Variants in DLG2 observed in about 807,000 individuals in gnomAD.
The protein encoded by DLG2 is discs large MAGUK scaffold protein 2.
A neutral mutation model predicts 132.5 loss-of-function variants in DLG2; 45 were observed. The observed-to-expected ratio is 0.34, with a 90% CI of 0.27 to 0.44. DLG2 has a LOEUF of 0.44. DLG2 is among the 20% of genes least tolerant of loss of function. The pLI, the probability that DLG2 is intolerant of heterozygous loss-of-function variation, is 1.00. For synonymous variants in DLG2, 424 were observed against 419.6 expected (o/e 1.01, Z -0.13); for missense variants, 1,045 against 1,196.9 (o/e 0.87, Z 1.87).
intron 6 of DLG2, among the ~76,000 whole-genome samples, chr11:84,842,103 C>T (rs1275544784): frequency 7.9e-5 from 12 of 151,966 alleles, no homozygotes; most frequent in Admixed American, 7.2e-4. Context: ...ATCATCCCTT[C>T]CTTTACCTAT....
intron 3 of DLG2, among the ~76,000 whole-genome samples, chr11:85,458,265 A>G (rs1381819315): frequency 6.6e-6 from 1 of 151,898 alleles, no homozygotes; most frequent in Non-Finnish European, 1.5e-5. Context: ...TTCTTGCAGT[A>G]TGTTTTTCAG....
rs144587282 is a variant in DLG2 at position 83,813,941 on chromosome 11, A to G, written c.1722+19673T>C. 7.5e-4 allele frequency among the ~76,000 whole-genome samples: 114 copies of G among 152,304 alleles called. No homozygotes were observed. The East Asian group carries it at 0.019, about 25-fold the overall frequency. On this transcript the variant is annotated intron_variant, in intron 17 of 27. Coordinates refer to ENST00000376104, the MANE Select transcript of DLG2 (RefSeq NM_001142699.3). ...AAGAAAACTGAGGCACAGAGAAGTT[A>G]AATAAATTGCCGAAATTCACAATTA...
intron 10 of DLG2, among the ~76,000 whole-genome samples, chr11:84,076,483 C>A (rs894921013): frequency 1.6e-4 from 25 of 152,166 alleles, no homozygotes; most frequent in Admixed American, 5.9e-4. Flanking sequence ...GTGAAAAAAA[C>A]CTGAGGATTT....
chr11:85,191,978 G>A (rs959264463), intron 4 of DLG2, among the ~76,000 whole-genome samples: 8 of 152,118 alleles, frequency 5.3e-5, no homozygotes, highest in African/African-American at 1.9e-4. Flanking sequence ...TATGAAAAAT[G>A]TATTATTGCT....
intron 3 of DLG2, among the ~76,000 whole-genome samples, chr11:85,378,543 C>A (rs977040675): frequency 1.3e-5 from 2 of 151,920 alleles, no homozygotes; most frequent in East Asian, 3.9e-4. Context: ...TTATAATCAT[C>A]CTTAGCTGTT....
chr11:84,146,834 C>T (rs2095103048), intron 9 of DLG2, among the ~76,000 whole-genome samples: 1 of 152,092 alleles, frequency 6.6e-6, no homozygotes, highest in African/African-American at 2.4e-5. Flanking sequence ...GTCCTTGGGA[C>T]AGTTATAACA....
Position 85,416,882 on chromosome 11 carries a change from C to T in DLG2, c.41-131517G>A, listed in dbSNP as rs1322766821. On this transcript the variant is annotated intron_variant, in intron 3 of 27. Coordinates refer to ENST00000376104, the MANE Select transcript of DLG2 (RefSeq NM_001142699.3). Reference sequence around the variant, plus strand: ...TTTTCTAAATATACAATAATGTCATCTGCAAACAGAGACAATTTGACTTCC... The same window carrying T: ...TTTTCTAAATATACAATAATGTCATTTGCAAACAGAGACAATTTGACTTCC... 2.0e-5 allele frequency among the ~76,000 whole-genome samples: 3 copies of T among 152,182 alleles called. No homozygotes were observed. The East Asian group carries it at 5.8e-4, about 29-fold the overall frequency.
intron 4 of DLG2, among the ~76,000 whole-genome samples, chr11:85,197,572 T>A (rs1388629219): frequency 1.3e-5 from 2 of 152,236 alleles, no homozygotes; most frequent in East Asian, 3.8e-4. Context: ...TTCCTTAAAT[T>A]AAGCTTTTTA....
chr11:83,549,995 C>T (rs2096347830), intron 19 of DLG2, among the ~76,000 whole-genome samples: 1 of 152,160 alleles, frequency 6.6e-6, no homozygotes, highest in African/African-American at 2.4e-5. Context: ...GCATTATTCT[C>T]ATTTTATCGA....
chr11:83,468,767 C>T (rs2091570209), intron 25 of DLG2, among the ~76,000 whole-genome samples: 1 of 152,154 alleles, frequency 6.6e-6, no homozygotes, highest in Non-Finnish European at 1.5e-5. Flanking sequence ...TAAGCTAGAA[C>T]TTCTGCGAGC....
At chr11:85,475,326 T>C (rs969248100) in intron 3 of DLG2, among the ~76,000 whole-genome samples, 2 of 151,904 alleles carry the variant, frequency 1.3e-5, no homozygotes, top group African/African-American at 2.4e-5. Context: ...CTACCTTCTA[T>C]AAACATTCTA....
chr11:84,642,755 T>C (rs536004163), intron 6 of DLG2, among the ~76,000 whole-genome samples: 3 of 152,182 alleles, frequency 2.0e-5, no homozygotes, highest in Non-Finnish European at 2.9e-5. Context: ...GGAGACTAAG[T>C]GCTTTCCTTT....
intron 6 of DLG2, among the ~76,000 whole-genome samples, chr11:84,537,183 T>G (rs1291360539): frequency 6.6e-6 from 1 of 152,160 alleles, no homozygotes; most frequent in East Asian, 1.9e-4. Context: ...CTCAGCTCAC[T>G]GCAACCTCTG....
rs74711266 is a variant in DLG2, at chr11:85,238,070, G to A, written c.186+47150C>T. Among the ~76,000 whole-genome samples, 124 of 151,772 alleles carry A rather than the reference G, an allele frequency of 8.2e-4. 1 individual carries two copies. Among genetic ancestry groups the A allele is most frequent in the African/African-American group, 2.9e-3 (119 of 41,464 alleles). On this transcript the variant is annotated intron_variant, in intron 4 of 27. Coordinates refer to ENST00000376104, the MANE Select transcript of DLG2 (RefSeq NM_001142699.3). ...TTTCCAGAATAGGGCAGGTTTGTCCGCATTAAAAACCTGTTTAGGTAAGAA... is the reference window on the plus strand; with the variant it reads ...TTTCCAGAATAGGGCAGGTTTGTCCACATTAAAAACCTGTTTAGGTAAGAA...
At chr11:84,906,413 C>G (rs10898327) in intron 6 of DLG2, among the ~76,000 whole-genome samples, 44,649 of 149,604 alleles carry the variant, frequency 0.3, 7,325 homozygotes, top group South Asian at 0.45. Context: ...CACACACACA[C>G]AGAGAGCCAA....
intron 18 of DLG2, among the ~76,000 whole-genome samples, chr11:83,737,450 C>T (rs997590276): frequency 5.9e-5 from 9 of 152,144 alleles, no homozygotes; most frequent in Admixed American, 5.9e-4. Context: ...TAATGGCATA[C>T]ATTTTCATGC....
intron 3 of DLG2, among the ~76,000 whole-genome samples, chr11:85,556,542 T>C (rs1416618162): frequency 6.6e-6 from 1 of 151,988 alleles, no homozygotes; most frequent in Non-Finnish European, 1.5e-5. Flanking sequence ...GTTATAAATA[T>C]ATCACAAAGC....
At chr11:83,648,278 C>T (rs971069836) in intron 18 of DLG2, among the ~76,000 whole-genome samples, 4 of 152,048 alleles carry the variant, frequency 2.6e-5, no homozygotes, top group African/African-American at 9.7e-5. Flanking sequence ...AGAGTTAACA[C>T]CTAGACCTAA....
chr11:85,157,448 T>A (rs2077669564), intron 4 of DLG2, among the ~76,000 whole-genome samples: 1 of 152,184 alleles, frequency 6.6e-6, no homozygotes, highest in Non-Finnish European at 1.5e-5. Context: ...TAGAGAGTTA[T>A]GCAAGATGAA....
Sources: allele counts gnomAD v4.1 joint callset (sites outside exome capture counted in the v4.1 genomes callset), GRCh38; gene constraint gnomAD v4.1.1; transcripts MANE v1.5; gene names NCBI Gene and HGNC (gene_info 2026-07-23, HGNC 2026-07-21).